The following ZFAND6 variants were observed in gnomAD, a reference collection of about 807,000 sequenced individuals.
The protein encoded by ZFAND6 is AN1-type zinc finger protein 6.
A neutral mutation model predicts 24.5 loss-of-function variants in ZFAND6; 12 were observed. The ratio of observed to expected loss-of-function variants is 0.49; its 90% confidence interval spans 0.31 to 0.79. ZFAND6 has a LOEUF of 0.79. ZFAND6 is among the 30% of genes least tolerant of loss of function. The pLI, the probability that ZFAND6 is intolerant of heterozygous loss-of-function variation, is 0.04. For missense variants in ZFAND6, 207 were observed against 245.9 expected, an observed-to-expected ratio of 0.84 and a Z score of 1.06; for synonymous variants, 92 against 81.5, an observed-to-expected ratio of 1.13 and a Z score of -0.69.
intron 1 of ZFAND6, among the ~76,000 whole-genome samples, chr15:80,073,494 A>G (rs1175368352): frequency 6.6e-6 from 1 of 151,918 alleles, no homozygotes; most frequent in Non-Finnish European, 1.5e-5. Flanking sequence ...TGCAATAATC[A>G]TTGCAATAAT....
intron 6 of ZFAND6, among the ~76,000 whole-genome samples, chr15:80,136,784 C>T (rs544193491): frequency 1.3e-5 from 2 of 152,186 alleles, no homozygotes; most frequent in Non-Finnish European, 2.9e-5. Context: ...CATTACATCT[C>T]GATTTTGGTT....
intron 2 of ZFAND6, among the ~76,000 whole-genome samples, chr15:80,116,716 T>G (rs1375988748): frequency 6.6e-6 from 1 of 152,224 alleles, no homozygotes; most frequent in Non-Finnish European, 1.5e-5. Flanking sequence ...CAAGACAAGC[T>G]TGTTCAATCT....
intron 6 of ZFAND6, among the ~76,000 whole-genome samples, chr15:80,136,123 CAAAA>C (rs532411226): frequency 2.5e-5 from 3 of 117,906 alleles, no homozygotes; most frequent in Non-Finnish European, 3.5e-5. Flanking sequence ...GACCCTGTGT[CAAAA>C]AAAAAAAAAA....
At chr15:80,125,857 T>C (rs1036920558) in intron 5 of ZFAND6, among the ~76,000 whole-genome samples, 2 of 152,224 alleles carry the variant, frequency 1.3e-5, no homozygotes, top group African/African-American at 4.8e-5. Context: ...TGAGCCTTAC[T>C]TTCATTACTC....
chr15:80,102,526 G>T (rs994511664), intron 2 of ZFAND6, among the ~76,000 whole-genome samples: 1 of 152,184 alleles, frequency 6.6e-6, no homozygotes, highest in Non-Finnish European at 1.5e-5. Flanking sequence ...GTTTATATGT[G>T]ATATGGAGAT....
chr15:80,098,910 C>G (rs1162523682), intron 2 of ZFAND6, among the ~76,000 whole-genome samples: 1 of 151,792 alleles, frequency 6.6e-6, no homozygotes. Flanking sequence ...GCATTGATTT[C>G]AGCCATTTAA....
chr15:80,101,286 C>T (rs1013922089), intron 2 of ZFAND6, among the ~76,000 whole-genome samples: 10 of 152,040 alleles, frequency 6.6e-5, no homozygotes, highest in African/African-American at 2.4e-5. Context: ...CATAATGAAA[C>T]CTCCGTCTCT....
chr15:80,059,501 C>T (rs1268834281), upstream of ZFAND6: 5 of 152,230 alleles, frequency 3.3e-5, no homozygotes, highest in Non-Finnish European at 7.3e-5. Flanking sequence ...GGCCAATTGC[C>T]GTGCGCTCCG....
intron 1 of ZFAND6, among the ~76,000 whole-genome samples, chr15:80,064,686 G>C (rs1469500576): frequency 1.3e-5 from 2 of 152,026 alleles, no homozygotes; most frequent in African/African-American, 2.4e-5. Flanking sequence ...TATCACCCAG[G>C]ATAGAGGGCA....
intron 2 of ZFAND6, among the ~76,000 whole-genome samples, chr15:80,106,878 G>A (rs1372481229): frequency 2.6e-5 from 4 of 152,156 alleles, no homozygotes; most frequent in Admixed American, 2.6e-4. Flanking sequence ...CTCAAAATAG[G>A]TGAAAGAGGA....
chr15:80,073,604 C>T (rs2037100681), intron 1 of ZFAND6, among the ~76,000 whole-genome samples: 1 of 151,886 alleles, frequency 6.6e-6, no homozygotes, highest in African/African-American at 2.4e-5. Flanking sequence ...TCTGCTATAT[C>T]TGTTGTTTAA....
At chr15:80,064,768 G>A (rs2036523990) in intron 1 of ZFAND6, among the ~76,000 whole-genome samples, 1 of 152,028 alleles carries the variant, frequency 6.6e-6, no homozygotes, top group African/African-American at 2.4e-5. Flanking sequence ...AGCCTCCTGT[G>A]TAACTGGGAT....
At chr15:80,073,208 T>C (rs2037074806) in intron 1 of ZFAND6, 1 of 204,436 alleles carries the variant, frequency 4.9e-6, no homozygotes, top group South Asian at 5.8e-5. Flanking sequence ...AGGCCATTGA[T>C]GAACAAAGTG....
chr15:80,098,514 G>A lies in ZFAND6; in HGVS notation c.-82G>A, dbSNP rs2038860448. The A allele has an allele frequency of 6.6e-6, 1 of 152,186 alleles. No individual in the cohort carries two copies. Among genetic ancestry groups the A allele is most frequent in the South Asian group, 2.1e-4 (1 of 4,826 alleles). 9.4% of individuals were successfully genotyped at this position (152,186 alleles called of 1,614,324 possible). On this transcript the variant is annotated 5_prime_UTR_variant, in exon 2 of 7. Transcript: ENST00000261749. ...TTAAGTAGCTGCTTATGAGAATAGG[G>A]AAGGCAGAAAGCTAATGTCTGTCTC...
intron 1 of ZFAND6, among the ~76,000 whole-genome samples, 157 bp downstream of exon 1, chr15:80,059,966 G>C (rs539038082): frequency 6.6e-6 from 1 of 151,194 alleles, no homozygotes; most frequent in East Asian, 1.9e-4. Flanking sequence ...CGCAGCAGGT[G>C]GTGGGCCCGC....
intron 5 of ZFAND6, among the ~76,000 whole-genome samples, chr15:80,127,811 G>T (rs1421051534): frequency 6.6e-6 from 1 of 152,090 alleles, no homozygotes; most frequent in African/African-American, 2.4e-5. Flanking sequence ...AAATTAAAAA[G>T]AATTGTCATA....
intron 5 of ZFAND6, among the ~76,000 whole-genome samples, chr15:80,127,888 A>G (rs2040438839): frequency 6.6e-6 from 1 of 152,234 alleles, no homozygotes; most frequent in Admixed American, 6.5e-5. Flanking sequence ...AAACGTGTAC[A>G]CAAGTGTTCG....
At chr15:80,079,586 A>G (rs1192134824) in intron 1 of ZFAND6, among the ~76,000 whole-genome samples, 4 of 151,632 alleles carry the variant, frequency 2.6e-5, no homozygotes, top group Admixed American at 6.6e-5. Context: ...AATAATGACA[A>G]TAGATTTTGA....
At chr15:80,064,154 C>T (rs1332608465) in intron 1 of ZFAND6, among the ~76,000 whole-genome samples, 2 of 152,246 alleles carry the variant, frequency 1.3e-5, no homozygotes, top group East Asian at 3.9e-4. Context: ...ATAAGAGCTA[C>T]TACTATGTAT....
Sources: allele counts gnomAD v4.1 joint callset (sites outside exome capture counted in the v4.1 genomes callset), GRCh38; gene constraint gnomAD v4.1.1; transcripts MANE v1.5; gene names NCBI Gene and HGNC (gene_info 2026-07-23, HGNC 2026-07-21).